The following MORN1 variants were observed in gnomAD, a reference collection of about 807,000 sequenced individuals.
MORN1 encodes the protein MORN repeat-containing protein 1.
In MORN1, 67 loss-of-function variants were observed where a neutral mutation model predicts 61.9. The observed-to-expected ratio is 1.08, with a 90% CI of 0.89 to 1.33. The LOEUF is 1.33. MORN1 is among the 40% of genes most tolerant of loss of function. The pLI is 0.00. For missense variants in MORN1, 752 were observed against 691.2 expected (o/e 1.09, Z -0.99); for synonymous variants, 301 against 292.0 (o/e 1.03, Z -0.31).
intron 6 of MORN1, among the ~76,000 whole-genome samples, chr1:2,384,514 C>A (rs1642443079): frequency 6.6e-6 from 1 of 152,236 alleles, no homozygotes; most frequent in Admixed American, 6.5e-5. Context: ...AAAAAATTTG[C>A]ATCCGTAAAG....
intron 8 of MORN1, among the ~76,000 whole-genome samples, chr1:2,366,318 G>A: frequency 6.8e-6 from 1 of 146,920 alleles, no homozygotes; most frequent in East Asian, 2.0e-4. Flanking sequence ...CACACTCTGG[G>A]GACTGTTGTG....
At chr1:2,344,661 G>A (rs1337123898) in intron 10 of MORN1, among the ~76,000 whole-genome samples, 5 of 152,212 alleles carry the variant, frequency 3.3e-5, no homozygotes, top group Non-Finnish European at 7.4e-5. Context: ...CTTCCCTGGG[G>A]GCCTCGTCCC....
At chr1:2,356,456 G>A (rs1040073551) in intron 10 of MORN1, among the ~76,000 whole-genome samples, 4 of 152,232 alleles carry the variant, frequency 2.6e-5, no homozygotes, top group South Asian at 2.1e-4. Flanking sequence ...AGGAACCTGC[G>A]GCCTGTGTCC....
chr1:2,345,043 A>G (rs1641481540), intron 10 of MORN1, among the ~76,000 whole-genome samples: 2 of 151,304 alleles, frequency 1.3e-5, no homozygotes, highest in Admixed American at 6.6e-5. Context: ...ATAGATGACC[A>G]TATGTGCCCC....
intron 10 of MORN1, among the ~76,000 whole-genome samples, chr1:2,348,700 C>A (rs35941092): frequency 8.3e-6 from 1 of 120,788 alleles, no homozygotes; most frequent in East Asian, 2.5e-4. Context: ...CACACACGCA[C>A]GCACACGCAC....
At chr1:2,325,804 G>A (rs1214691093) in intron 12 of MORN1, among the ~76,000 whole-genome samples, 1 of 149,856 alleles carries the variant, frequency 6.7e-6, no homozygotes, top group African/African-American at 2.5e-5. Flanking sequence ...AAATTTTTTT[G>A]TGTGGGGATG....
rs538393589 is a variant in MORN1, at chr1:2,339,591, A to G, written c.1037-2741T>C. Among the ~76,000 whole-genome samples the G allele has an allele frequency of 4.6e-5, 7 of 152,152 alleles. No homozygotes were observed. The South Asian group carries it at 1.5e-3, about 32-fold the overall frequency. On this transcript the variant is annotated intron_variant, in intron 10 of 13. Coordinates refer to ENST00000378531, the MANE Select transcript of MORN1 (RefSeq NM_024848.3). ...GACATCAAAGCTGCCTTCAAAACAT[A>G]TCTGTACCTGGACCCCCAAGGCTCC...
At chr1:2,339,460 G>A (rs974123612) in intron 10 of MORN1, among the ~76,000 whole-genome samples, 24 of 152,170 alleles carry the variant, frequency 1.6e-4, no homozygotes, top group Non-Finnish European at 3.1e-4. Flanking sequence ...TCCCGAGGCC[G>A]GCACCGCACC....
chr1:2,369,355 GAAAAAAAAAA>G (rs55703845), intron 8 of MORN1, among the ~76,000 whole-genome samples: 12 of 80,654 alleles, frequency 1.5e-4, no homozygotes, highest in Non-Finnish European at 2.2e-4. Context: ...CTCAGTCTCA[GAAAAAAAAAA>G]AAAAAAAAAA....
chr1:2,365,707 C>A (rs1252236246), intron 8 of MORN1, among the ~76,000 whole-genome samples: 1 of 152,030 alleles, frequency 6.6e-6, no homozygotes, highest in African/African-American at 2.4e-5. Flanking sequence ...TCATAGGCAG[C>A]CAAAAAACAC....
At chr1:2,363,382 T>G (rs547918223) in intron 8 of MORN1, 1 of 152,304 alleles carries the variant, frequency 6.6e-6, no homozygotes, top group East Asian at 1.9e-4. Flanking sequence ...CCAATACATT[T>G]ATGATGATCC....
At chr1:2,380,208 T>C (rs901904402) in intron 6 of MORN1, among the ~76,000 whole-genome samples, 4 of 152,196 alleles carry the variant, frequency 2.6e-5, no homozygotes, top group Non-Finnish European at 4.4e-5. Flanking sequence ...GAACAGTGGC[T>C]GCCAGGGGTT....
At chr1:2,336,278 G>A (rs374656206) in intron 12 of MORN1, among the ~76,000 whole-genome samples, 191 bp downstream of exon 12, 8 of 152,216 alleles carry the variant, frequency 5.3e-5, no homozygotes, top group East Asian at 1.9e-4. Context: ...CAGGCAAGTC[G>A]CAGGGCAGCT....
chr1:2,350,972 C>CA (rs1214865620), intron 10 of MORN1: 9 of 152,530 alleles, frequency 5.9e-5, no homozygotes, highest in African/African-American at 2.2e-4. Context: ...CTCTGTGCCC[C>CA]AAAGCCCAAA....
At position 2,334,401 on chromosome 1, in the gene MORN1, C is replaced by T. The variant is rs1641221478; in HGVS notation, c.1250+2068G>A. Among the ~76,000 whole-genome samples the T allele has an allele frequency of 2.0e-5, 3 of 152,198 alleles. No homozygotes were observed. The highest frequency in any genetic ancestry group is 6.5e-5 in the Admixed American group (1 of 15,286). Reference sequence around the variant, plus strand: ...AGGCCTGCAAGTGTGCAGCCCTTCACCTCCATGCTGGGTTCTCAACCCAGG... The same window carrying T: ...AGGCCTGCAAGTGTGCAGCCCTTCATCTCCATGCTGGGTTCTCAACCCAGG... On this transcript the variant is annotated intron_variant, in intron 12 of 13. Transcript: ENST00000378531. The surrounding 1 kb of genome is among the most constrained non-coding windows in gnomAD (Gnocchi z 5.4).
Position 2,388,220 on chromosome 1 carries a change from C to A in MORN1, c.247+19G>T. On this transcript the variant is annotated intron_variant, in intron 3 of 13. Coordinates refer to ENST00000378531, the MANE Select transcript of MORN1 (RefSeq NM_024848.3). Reference sequence around the variant, plus strand: ...GGTTATGAGAAAGGAGTGAATGTGCCATCCCAGCTAGAGCTCACCTGACCA... The same window carrying A: ...GGTTATGAGAAAGGAGTGAATGTGCAATCCCAGCTAGAGCTCACCTGACCA... 1 of 1,600,146 alleles carries A rather than the reference C, an allele frequency of 6.2e-7. No homozygotes were observed. The highest frequency in any genetic ancestry group is 8.6e-7 in the Non-Finnish European group (1 of 1,168,124).
At chr1:2,381,278 G>A (rs549661727) in intron 6 of MORN1, among the ~76,000 whole-genome samples, 4 of 152,340 alleles carry the variant, frequency 2.6e-5, no homozygotes, top group African/African-American at 7.2e-5. Flanking sequence ...TTTTGGCCTC[G>A]GGCGCCCTTC....
In MORN1 at chr1:2,329,629, T is replaced by G. The variant is rs116219810; in HGVS notation, c.1251-5486A>C. ...CTGGGGATGGAGGGGCTGGGCTGAG[T>G]GGGGCCTCCTGGCCACGGGGTCAGC... On this transcript the variant is annotated intron_variant, in intron 12 of 13. Coordinates refer to ENST00000378531, the MANE Select transcript of MORN1 (RefSeq NM_024848.3). 5.2e-3 allele frequency among the ~76,000 whole-genome samples: 790 copies of G among 152,140 alleles called. 8 individuals carry two copies. The highest frequency in any genetic ancestry group is 0.018 in the African/African-American group (758 of 41,518).
intron 10 of MORN1, among the ~76,000 whole-genome samples, chr1:2,345,715 C>A (rs1420069676): frequency 6.6e-6 from 1 of 152,212 alleles, no homozygotes. Flanking sequence ...CGGTGAGCAG[C>A]TCTGACCCCA....
Sources: allele counts gnomAD v4.1 joint callset (sites outside exome capture counted in the v4.1 genomes callset), GRCh38; gene constraint gnomAD v4.1.1; non-coding constraint Gnocchi (gnomAD v3.1); transcripts MANE v1.5; gene names NCBI Gene and HGNC (gene_info 2026-07-23, HGNC 2026-07-21).